The following ANGPT1 variants were observed in gnomAD, a reference collection of about 807,000 sequenced individuals.
ANGPT1 encodes angiopoietin-1.
In ANGPT1, 17 loss-of-function variants were observed where a neutral mutation model predicts 62.2. That is an observed-to-expected ratio of 0.27 (90% CI 0.19 to 0.41). The LOEUF (loss-of-function observed/expected upper bound fraction) is 0.41, where lower values mean the gene tolerates loss of function less well. Ranked by LOEUF, ANGPT1 falls within the 10% of genes least tolerant of loss-of-function variation. The pLI, the probability that ANGPT1 is intolerant of heterozygous loss-of-function variation, is 1.00. For synonymous variants in ANGPT1, 199 were observed against 198.9 expected, an observed-to-expected ratio of 1.00 and a Z score of 0.00; for missense variants, 478 against 594.9, an observed-to-expected ratio of 0.80 and a Z score of 2.04.
intron 3 of ANGPT1, among the ~76,000 whole-genome samples, chr8:107,329,441 C>T (rs576478962): frequency 6.6e-6 from 1 of 152,072 alleles, no homozygotes; most frequent in Admixed American, 6.6e-5. Flanking sequence ...TGTGCAAATG[C>T]TATCCAGAAA....
chr8:107,410,484 G>A (rs1817246067), intron 1 of ANGPT1, among the ~76,000 whole-genome samples: 1 of 152,030 alleles, frequency 6.6e-6, no homozygotes, highest in Non-Finnish European at 1.5e-5. Context: ...TCAAAAACTT[G>A]TGTTTTCTAA....
chr8:107,297,530 T>G (rs146083771), intron 5 of ANGPT1, among the ~76,000 whole-genome samples: 1 of 149,882 alleles, frequency 6.7e-6, no homozygotes, highest in South Asian at 2.1e-4. Context: ...GTATATAATG[T>G]AATATTTAAT....
At chr8:107,294,690 T>G (rs1489102837) in intron 5 of ANGPT1, 1 of 152,178 alleles carries the variant, frequency 6.6e-6, no homozygotes, top group Non-Finnish European at 1.5e-5. Context: ...ACTGTGACAA[T>G]AACTTCTTTC....
At position 107,457,866 on chromosome 8, in the gene ANGPT1, A is replaced by ACACACACC. The variant is rs765608644; in HGVS notation, c.297+39395_297+39396insGGTGTGTG. Among the ~76,000 whole-genome samples the ACACACACC allele has an allele frequency of 1.1e-4, 13 of 115,978 alleles. 1 individual carries two copies. Among genetic ancestry groups the ACACACACC allele is most frequent in the East Asian group, 6.6e-4 (3 of 4,548 alleles). The allele number at this position is 115,978 out of a possible 152,430, so 76.1% of individuals were successfully genotyped here. On this transcript the variant is annotated intron_variant, in intron 1 of 8. Coordinates refer to ENST00000517746, the MANE Select transcript of ANGPT1 (RefSeq NM_001146.5). ...CACACACACACACACACACACACAC[A>ACACACACC]CCAAGAGGGGAAAAAAATACCTATG...
rs1300643075 is a variant in ANGPT1, at chr8:107,346,935, G to A, written c.453+7C>T. ...TTGAGTCTGTGGACTCTGGCCCTGG[G>A]GTGTACCTGGGTCTCAACATCTGTC... On this transcript the variant is annotated splice_region_variant and intron_variant, in intron 2 of 8. Transcript: ENST00000517746. 3 of 1,607,358 alleles carry A rather than the reference G, an allele frequency of 1.9e-6. No individual in the cohort carries two copies. In the African/African-American group the frequency reaches 4.0e-5, roughly 22 times the overall value.
At chr8:107,413,844 C>T (rs1258086413) in intron 1 of ANGPT1, among the ~76,000 whole-genome samples, 1 of 151,950 alleles carries the variant, frequency 6.6e-6, no homozygotes, top group Non-Finnish European at 1.5e-5. Context: ...AATATGATGG[C>T]AGGGCAGTTA....
intron 1 of ANGPT1, among the ~76,000 whole-genome samples, chr8:107,428,237 A>G (rs1282817105): frequency 1.3e-5 from 2 of 152,190 alleles, no homozygotes; most frequent in African/African-American, 4.8e-5. Context: ...TTATGTTTCC[A>G]TCTATTACCC....
At chr8:107,293,172 T>C (rs1011633335) in intron 6 of ANGPT1, among the ~76,000 whole-genome samples, 3 of 150,568 alleles carry the variant, frequency 2.0e-5, no homozygotes, top group Non-Finnish European at 4.4e-5. Context: ...GGCAGACATA[T>C]TGAGCATTAA....
intron 1 of ANGPT1, among the ~76,000 whole-genome samples, chr8:107,490,715 G>A (rs575737662): frequency 6.6e-6 from 1 of 152,348 alleles, no homozygotes; most frequent in Non-Finnish European, 1.5e-5. Flanking sequence ...TTTAGGCTCT[G>A]TTGCAACTCC....
rs149930759 is a variant in ANGPT1, at chr8:107,370,407, A to AGAAAGAAAGGAAGGAAG, written c.298-23311_298-23310insCTTCCTTCCTTTCTTTC. 1.8e-4 allele frequency among the ~76,000 whole-genome samples: 13 copies of AGAAAGAAAGGAAGGAAG among 71,940 alleles called. 1 individual carries two copies. The highest frequency in any genetic ancestry group is 2.9e-4 in the African/African-American group (6 of 21,004). The allele number at this position is 71,940 out of a possible 152,430, so 47.2% of individuals were successfully genotyped here. A position where few individuals can be genotyped will look rare whatever the true frequency, so the allele number is the denominator to read the frequency against. ...AAGAAAGAAAGAAAGAAAGAAAGAA[A>AGAAAGAAAGGAAGGAAG]GAGTCAGGGTCAGTGGCTCAGGCCT... On this transcript the variant is annotated intron_variant, in intron 1 of 8. Coordinates refer to ENST00000517746, the MANE Select transcript of ANGPT1 (RefSeq NM_001146.5).
chr8:107,412,430 T>C (rs1586300544), intron 1 of ANGPT1, among the ~76,000 whole-genome samples: 2 of 151,674 alleles, frequency 1.3e-5, no homozygotes, highest in East Asian at 3.9e-4. Flanking sequence ...GGATTCAGGG[T>C]AGGCAATCAA....
intron 1 of ANGPT1, among the ~76,000 whole-genome samples, chr8:107,375,344 C>A (rs1310659956): frequency 6.6e-6 from 1 of 152,236 alleles, no homozygotes; most frequent in Non-Finnish European, 1.5e-5. Flanking sequence ...TTTTGTCCAG[C>A]AATGGCCTTG....
At chr8:107,351,549 TTATAA>T (rs552113427) in intron 1 of ANGPT1, among the ~76,000 whole-genome samples, 72 of 151,696 alleles carry the variant, frequency 4.7e-4, no homozygotes, top group African/African-American at 1.6e-3. Flanking sequence ...ATATTCATTA[TTATAA>T]TATATTATAA....
chr8:107,443,806 C>A (rs935958876), intron 1 of ANGPT1, among the ~76,000 whole-genome samples: 10 of 124,848 alleles, frequency 8.0e-5, no homozygotes, highest in African/African-American at 2.2e-4. Flanking sequence ...GCAACAAGAG[C>A]GAAACTATGT....
chr8:107,419,098 A>G (rs1372011887), intron 1 of ANGPT1, among the ~76,000 whole-genome samples: 1 of 152,176 alleles, frequency 6.6e-6, no homozygotes, highest in Non-Finnish European at 1.5e-5. Context: ...TCAGCCTGTC[A>G]TGCACACAGA....
intron 3 of ANGPT1, among the ~76,000 whole-genome samples, chr8:107,324,125 C>A (rs1815223484): frequency 6.7e-6 from 1 of 149,446 alleles, no homozygotes; most frequent in African/African-American, 2.5e-5. Context: ...CAATTATGGC[C>A]TGCCCATGCT....
At chr8:107,352,393 A>G (rs1815951366) in intron 1 of ANGPT1, among the ~76,000 whole-genome samples, 1 of 152,164 alleles carries the variant, frequency 6.6e-6, no homozygotes, top group Non-Finnish European at 1.5e-5. Flanking sequence ...ATAATCAGCC[A>G]TTTGTAGTTC....
At chr8:107,462,074 T>A (rs1812085618) in intron 1 of ANGPT1, among the ~76,000 whole-genome samples, 2 of 152,136 alleles carry the variant, frequency 1.3e-5, no homozygotes, top group South Asian at 4.1e-4. Flanking sequence ...TCAGGCTATG[T>A]CTAGTTTCAT....
intron 1 of ANGPT1, among the ~76,000 whole-genome samples, chr8:107,390,756 T>G (rs953444971): frequency 1.3e-5 from 2 of 152,154 alleles, no homozygotes; most frequent in African/African-American, 4.8e-5. Flanking sequence ...CTCTTTGAGG[T>G]AAGCACTACC....
Sources: allele counts gnomAD v4.1 joint callset (sites outside exome capture counted in the v4.1 genomes callset), GRCh38; gene constraint gnomAD v4.1.1; transcripts MANE v1.5; gene names NCBI Gene and HGNC (gene_info 2026-07-23, HGNC 2026-07-21).